ANO5: variants seen among roughly 807,000 people sequenced by gnomAD.
ANO5 encodes the protein anoctamin-5.
In ANO5, 109 loss-of-function variants were observed where a neutral mutation model predicts 121.0. That is an observed-to-expected ratio of 0.90 (90% CI 0.77 to 1.06). ANO5 has a LOEUF of 1.06. Ranked by LOEUF, ANO5 falls within the 50% of genes least tolerant of loss-of-function variation. The pLI is 0.00. For missense variants in ANO5, 1,064 were observed against 1,078.5 expected, an observed-to-expected ratio of 0.99 and a Z score of 0.19; for synonymous variants, 406 against 359.9, an observed-to-expected ratio of 1.13 and a Z score of -1.45.
At chr11:22,219,547 G>A (rs1458080593) in intron 4 of ANO5, among the ~76,000 whole-genome samples, 4 of 80,626 alleles carry the variant, frequency 5.0e-5, no homozygotes. Context: ...TAGAGAAAGA[G>A]GACTATTTTT....
At chr11:22,272,594 C>T (rs1159026027) in intron 18 of ANO5, among the ~76,000 whole-genome samples, 190 bp from the exon 19 acceptor site, 2 of 152,102 alleles carry the variant, frequency 1.3e-5, no homozygotes, top group Non-Finnish European at 2.9e-5. Context: ...GTTTCTCCTT[C>T]CAGTTCTAGC....
chr11:22,239,038 A>C, intron 8 of ANO5, among the ~76,000 whole-genome samples: 1 of 152,172 alleles, frequency 6.6e-6, no homozygotes, highest in East Asian at 1.9e-4. Flanking sequence ...TGGGAAAAGA[A>C]CTTATGCATC....
At chr11:22,213,646 A>G (rs78202773) in intron 3 of ANO5, among the ~76,000 whole-genome samples, 3,668 of 151,116 alleles carry the variant, frequency 0.024, 51 homozygotes, top group Middle Eastern at 0.037. Flanking sequence ...CCCTTTCCAT[A>G]CTGCAATCTT....
intron 5 of ANO5, among the ~76,000 whole-genome samples, chr11:22,222,862 G>T (rs1191234264): frequency 1.3e-5 from 2 of 151,808 alleles, no homozygotes; most frequent in African/African-American, 2.4e-5. Context: ...TCCATATTCT[G>T]TTTTCTCCCA....
In ANO5 at chr11:22,282,853, T is replaced by C. The variant is rs915283439; in HGVS notation, c.*3088T>C. On this transcript the variant is annotated 3_prime_UTR_variant, in exon 22 of 22. Coordinates refer to ENST00000324559, the MANE Select transcript of ANO5 (RefSeq NM_213599.3). The stretch of plus-strand genomic sequence containing the variant: ...GAATCTATTGTTTTGAAAGAAACTC[T>C]CTCATATTTCCTTTAAATTGTTAAT... 2.0e-5 allele frequency: 3 copies of C among 152,154 alleles called. No homozygotes were observed. Among genetic ancestry groups the C allele is most frequent in the Admixed American group, 1.3e-4 (2 of 15,268 alleles). 9.4% of individuals were successfully genotyped at this position (152,154 alleles called of 1,614,324 possible).
In ANO5 at chr11:22,279,968, C is replaced by CT. The variant is rs1855023350; in HGVS notation, c.*204dup. 1 of 567,694 alleles carries CT rather than the reference C, an allele frequency of 1.8e-6. No homozygotes were observed. The highest frequency in any genetic ancestry group is 3.2e-5 in the Admixed American group (1 of 31,456). The allele number at this position is 567,694 out of a possible 1,614,324, so 35.2% of individuals were successfully genotyped here. A position where few individuals can be genotyped will look rare whatever the true frequency, so the allele number is the denominator to read the frequency against. ...ATGTACTACTTCTCTGCTTCATTGACTGGGCCCTCTCCAGATGTTGTTTTC... is the reference window on the plus strand; with the variant it reads ...ATGTACTACTTCTCTGCTTCATTGACTTGGGCCCTCTCCAGATGTTGTTTTC... On this transcript the variant is annotated 3_prime_UTR_variant, in exon 22 of 22. Transcript: ENST00000324559.
At chr11:22,225,013 GA>G (rs1425944919) in intron 5 of ANO5, among the ~76,000 whole-genome samples, 1 of 151,828 alleles carries the variant, frequency 6.6e-6, no homozygotes, top group Non-Finnish European at 1.5e-5. Context: ...GAAGGGGAAG[GA>G]GGGAGATAAA....
intron 9 of ANO5, among the ~76,000 whole-genome samples, chr11:22,242,757 C>T (rs1419240090): frequency 6.6e-6 from 1 of 152,052 alleles, no homozygotes; most frequent in Non-Finnish European, 1.5e-5. Flanking sequence ...TGAAACTTTA[C>T]TGAACTCTCT....
chr11:22,245,712 G>A (rs1376038090), intron 9 of ANO5, among the ~76,000 whole-genome samples: 7 of 152,042 alleles, frequency 4.6e-5, no homozygotes, highest in Admixed American at 3.9e-4. Flanking sequence ...AGAGTTTCTA[G>A]CACTAGAGTG....
At position 22,221,654 on chromosome 11, in the gene ANO5, T is replaced by C. The variant is rs567621295; in HGVS notation, c.294+444T>C. Among the ~76,000 whole-genome samples the C allele has an allele frequency of 5.9e-3, 892 of 152,050 alleles. 3 individuals carry two copies. The highest frequency in any genetic ancestry group is 0.02 in the African/African-American group (851 of 41,548). ...CACTTTATGAGCTTATTTATTCATG[T>C]TTTTACTTGTTTGCTGTCTCCAACA... On this transcript the variant is annotated intron_variant, in intron 5 of 21. Transcript: ENST00000324559.
In ANO5 at chr11:22,266,631, G is replaced by T. The variant is rs369049659; in HGVS notation, c.1898+3588G>T. Among the ~76,000 whole-genome samples the T allele has an allele frequency of 8.6e-5, 13 of 151,808 alleles. No individual in the cohort carries two copies. In the East Asian group the frequency reaches 1.5e-3, roughly 18 times the overall value. On this transcript the variant is annotated intron_variant, in intron 17 of 21. Coordinates refer to ENST00000324559, the MANE Select transcript of ANO5 (RefSeq NM_213599.3). ...CAATCTTTTTTCAATTTATTTCTAT[G>T]AATACTTTTAAACTTCTGGTTACTG...
At chr11:22,240,677 C>T (rs532731343) in intron 9 of ANO5, among the ~76,000 whole-genome samples, 1 of 152,082 alleles carries the variant, frequency 6.6e-6, no homozygotes, top group South Asian at 2.1e-4. Flanking sequence ...AAAAACATTT[C>T]AAATAATTAA....
At chr11:22,257,886 T>G in intron 14 of ANO5, 132 bp downstream of exon 14, 1 of 739,124 alleles carries the variant, frequency 1.4e-6, no homozygotes, top group Non-Finnish European at 2.3e-6. Context: ...ATCTTGGTTA[T>G]AGCTCTTATA....
At chr11:22,276,234 CTT>C in intron 21 of ANO5, 35 bp downstream of exon 21, 1 of 1,492,198 alleles carries the variant, frequency 6.7e-7, no homozygotes, top group Non-Finnish European at 9.3e-7. Flanking sequence ...GAGTTACTCT[CTT>C]CTCTCTTTAG....
chr11:22,214,672 A>G (rs1038899522), intron 3 of ANO5, among the ~76,000 whole-genome samples: 6 of 151,964 alleles, frequency 3.9e-5, no homozygotes, highest in African/African-American at 7.2e-5. Context: ...CCTGAATTCA[A>G]CCTTAGGAAG....
chr11:22,211,579 G>A (rs1182362314), intron 3 of ANO5, among the ~76,000 whole-genome samples: 1 of 151,884 alleles, frequency 6.6e-6, no homozygotes, highest in Non-Finnish European at 1.5e-5. Context: ...GGTCTAAGAG[G>A]TGTAATGACT....
intron 18 of ANO5, among the ~76,000 whole-genome samples, chr11:22,271,792 A>G (rs1320049426): frequency 6.6e-6 from 1 of 152,216 alleles, no homozygotes; most frequent in Non-Finnish European, 1.5e-5. Context: ...TTTATGGGCC[A>G]CAAAGATTTT....
At chr11:22,194,730 C>T (rs6483831) in intron 1 of ANO5, among the ~76,000 whole-genome samples, 125,693 of 152,190 alleles carry the variant, frequency 0.83, 52,418 homozygotes, top group African/African-American at 0.93. Context: ...CGTAGATTAA[C>T]GTTTTTGAAG....
Position 22,236,270 on chromosome 11 carries a change from C to T in ANO5, c.756C>T (p.Leu252=). 4 of 1,606,868 alleles carry T rather than the reference C, an allele frequency of 2.5e-6. No individual in the cohort carries two copies. Among genetic ancestry groups the T allele is most frequent in the Non-Finnish European group, 2.6e-6 (3 of 1,173,796 alleles). ...NSNTYSSAYP[L]HDGQYWKPSE... ...ACACTTACTCATCTGCCTATCCACT[C>T]CATGATGTATGTATAGGTTTGATTG... The change falls in exon 8 of 22, where the codon CTC becomes CTT. Residue 252 remains leucine (L), a synonymous_variant. Coordinates refer to ENST00000324559, the MANE Select transcript of ANO5 (RefSeq NM_213599.3).
Sources: gnomAD v4.1 joint callset for allele counts (sites outside exome capture counted in the v4.1 genomes callset) on GRCh38, gnomAD v4.1.1 for gene constraint, MANE v1.5 for transcripts, NCBI Gene and HGNC (gene_info 2026-07-23, HGNC 2026-07-21) for gene names.